Variants in CDH12 observed in about 807,000 individuals in gnomAD.
CDH12 encodes cadherin-12.
In CDH12, 41 loss-of-function variants were observed where a neutral mutation model predicts 74.1. That is an observed-to-expected ratio of 0.55 (90% CI 0.43 to 0.72). The LOEUF is 0.72. Among genes scored for constraint, CDH12 ranks in the 30% least tolerant of loss-of-function variants. The pLI, the probability that CDH12 is intolerant of heterozygous loss-of-function variation, is 0.00. For missense variants in CDH12, 945 were observed against 977.2 expected (o/e 0.97, Z 0.44); for synonymous variants, 399 against 355.0 (o/e 1.12, Z -1.39).
chr5:21,958,521 G>C (rs553776418), intron 6 of CDH12, among the ~76,000 whole-genome samples: 2 of 152,262 alleles, frequency 1.3e-5, no homozygotes, highest in South Asian at 4.1e-4. Flanking sequence ...TGGCTAGTTA[G>C]TTATCCCAGT....
At chr5:22,614,968 T>C (rs924600630) in intron 1 of CDH12, among the ~76,000 whole-genome samples, 8 of 152,054 alleles carry the variant, frequency 5.3e-5, no homozygotes, top group African/African-American at 1.9e-4. Flanking sequence ...GGAAGATTCA[T>C]GTCATCCAGG....
chr5:22,382,512 C>A (rs1741812687), intron 3 of CDH12, among the ~76,000 whole-genome samples: 1 of 151,576 alleles, frequency 6.6e-6, no homozygotes, highest in South Asian at 2.1e-4. Context: ...ACTTAGATTT[C>A]TCAGGGCCAC....
intron 5 of CDH12, among the ~76,000 whole-genome samples, chr5:21,979,541 C>T (rs1242075325): frequency 1.3e-5 from 2 of 152,142 alleles, no homozygotes; most frequent in African/African-American, 4.8e-5. Flanking sequence ...TTACTAGCAT[C>T]TCTCTGATTA....
chr5:22,736,929 A>G (rs1381958628), intron 1 of CDH12, among the ~76,000 whole-genome samples: 1 of 151,956 alleles, frequency 6.6e-6, no homozygotes, highest in African/African-American at 2.4e-5. Flanking sequence ...CAGAAGCAAT[A>G]CTTTATTTGA....
At chr5:22,075,680 G>C (rs1264770866) in intron 5 of CDH12, among the ~76,000 whole-genome samples, 1 of 151,854 alleles carries the variant, frequency 6.6e-6, no homozygotes, top group Non-Finnish European at 1.5e-5. Context: ...GTAAAGCTTT[G>C]GGTCAACAGA....
In CDH12 at chr5:22,190,955, C is replaced by T. The variant is rs532789223; in HGVS notation, c.-187+21543G>A. Among the ~76,000 whole-genome samples, 8 of 152,334 alleles carry T rather than the reference C, an allele frequency of 5.3e-5. No homozygotes were observed. The East Asian group carries it at 1.3e-3, about 26-fold the overall frequency. On this transcript the variant is annotated intron_variant, in intron 4 of 14. Coordinates refer to ENST00000382254, the MANE Select transcript of CDH12 (RefSeq NM_004061.5). ...CACCACTATGTATTTCGCTCCCTTG[C>T]CTCAATGTGGGAGTATCGTGATATC... is the stretch of plus-strand genomic sequence containing the variant.
chr5:21,947,035 C>G (rs1349592379), intron 6 of CDH12, among the ~76,000 whole-genome samples: 1 of 152,138 alleles, frequency 6.6e-6, no homozygotes, highest in Non-Finnish European at 1.5e-5. Context: ...GAAAGTTTCT[C>G]CTAGACACAC....
At chr5:22,319,286 C>G (rs1738761109) in intron 3 of CDH12, among the ~76,000 whole-genome samples, 1 of 152,162 alleles carries the variant, frequency 6.6e-6, no homozygotes, top group Non-Finnish European at 1.5e-5. Flanking sequence ...TAGAGTGCAG[C>G]AGAAGCAAAG....
intron 1 of CDH12, among the ~76,000 whole-genome samples, chr5:22,605,654 G>A (rs1231296749): frequency 1.3e-5 from 2 of 152,214 alleles, no homozygotes; most frequent in Non-Finnish European, 2.9e-5. Flanking sequence ...TGGGCACATG[G>A]AGGGCACACC....
intron 3 of CDH12, among the ~76,000 whole-genome samples, chr5:22,335,262 G>A (rs142645257): frequency 0.013 from 2,013 of 152,260 alleles, 26 homozygotes; most frequent in Middle Eastern, 0.02. Context: ...GAGGGACCCC[G>A]TGGGAGATGA....
intron 2 of CDH12, among the ~76,000 whole-genome samples, chr5:22,500,840 A>G (rs1747300966): frequency 6.6e-6 from 1 of 152,142 alleles, no homozygotes; most frequent in Admixed American, 6.6e-5. Context: ...CTTAAATTAC[A>G]CAGACATCTG....
chr5:21,974,382 T>C (rs1386923925), intron 6 of CDH12, among the ~76,000 whole-genome samples: 2 of 152,214 alleles, frequency 1.3e-5, no homozygotes, highest in Non-Finnish European at 2.9e-5. Flanking sequence ...CTTACTGACC[T>C]TATATCCTAC....
intron 6 of CDH12, among the ~76,000 whole-genome samples, chr5:21,891,601 A>ACACACACACACT (rs762795304): frequency 9.3e-5 from 14 of 150,224 alleles, no homozygotes; most frequent in South Asian, 4.2e-4. Flanking sequence ...ACACACACAC[A>ACACACACACACT]CTCTTTCTGG....
intron 3 of CDH12, among the ~76,000 whole-genome samples, chr5:22,386,771 GTTGT>G (rs1561364542): frequency 6.6e-6 from 1 of 151,778 alleles, no homozygotes; most frequent in African/African-American, 2.4e-5. Flanking sequence ...CATTTATTGT[GTTGT>G]TTAATATGAT....
chr5:22,588,292 A>G (rs1008502761), intron 1 of CDH12, among the ~76,000 whole-genome samples: 2 of 152,166 alleles, frequency 1.3e-5, no homozygotes, highest in African/African-American at 4.8e-5. Context: ...GTTAAAGCAC[A>G]GGAGGAATAA....
intron 5 of CDH12, among the ~76,000 whole-genome samples, chr5:22,064,963 G>C (rs1008568917): frequency 3.9e-5 from 6 of 152,206 alleles, no homozygotes; most frequent in African/African-American, 1.4e-4. Context: ...TAATTGTAAA[G>C]AAATGGCACT....
intron 7 of CDH12, among the ~76,000 whole-genome samples, chr5:21,850,598 T>G (rs1290882810): frequency 1.3e-5 from 2 of 151,480 alleles, no homozygotes; most frequent in African/African-American, 4.8e-5. Context: ...ACAAGAATAA[T>G]ATCGGTCAAG....
chr5:22,098,378 T>C (rs926345315), intron 4 of CDH12, among the ~76,000 whole-genome samples: 16 of 152,302 alleles, frequency 1.1e-4, no homozygotes, highest in Non-Finnish European at 4.4e-5. Flanking sequence ...TTCCTAGGCA[T>C]GGTTAGTGTG....
At chr5:22,369,482 G>T (rs910235755) in intron 3 of CDH12, among the ~76,000 whole-genome samples, 1 of 151,658 alleles carries the variant, frequency 6.6e-6, no homozygotes, top group African/African-American at 2.4e-5. Flanking sequence ...GAACAACAAG[G>T]TTCTTAAAAA....
Sources: allele counts gnomAD v4.1 joint callset (sites outside exome capture counted in the v4.1 genomes callset), GRCh38; gene constraint gnomAD v4.1.1; transcripts MANE v1.5; gene names NCBI Gene and HGNC (gene_info 2026-07-23, HGNC 2026-07-21).